GPC5: variants seen among roughly 807,000 people sequenced by gnomAD.
GPC5 encodes the protein glypican-5.
GPC5 carries 47 observed loss-of-function variants against 53.9 expected under a neutral mutation model. The observed-to-expected ratio is 0.87, with a 90% CI of 0.69 to 1.11. The LOEUF is 1.11. GPC5 is among the 50% of genes most tolerant of loss of function. GPC5 has a pLI of 0.00. For missense variants in GPC5, 748 were observed against 713.1 expected (o/e 1.05, Z -0.56); for synonymous variants, 286 against 263.3 (o/e 1.09, Z -0.84).
chr13:92,420,855 G>T (rs1263966746), intron 7 of GPC5, among the ~76,000 whole-genome samples: 1 of 152,144 alleles, frequency 6.6e-6, no homozygotes, highest in Non-Finnish European at 1.5e-5. Context: ...GCACTCCATT[G>T]TATATATGCA....
chr13:92,436,084 G>A (rs935862325), intron 7 of GPC5, among the ~76,000 whole-genome samples: 1 of 152,072 alleles, frequency 6.6e-6, no homozygotes, highest in Admixed American at 6.6e-5. Context: ...TATTCATTCA[G>A]ACCATAAGTT....
At chr13:91,569,153 A>G (rs7982049) in intron 2 of GPC5, among the ~76,000 whole-genome samples, 73,131 of 151,984 alleles carry the variant, frequency 0.48, 19,858 homozygotes, top group African/African-American at 0.76. Context: ...AGCTGAGGCA[A>G]GATAGAAAGA....
chr13:92,692,752 C>CTTTTTTTTTTTTT (rs1457273874), intron 7 of GPC5, among the ~76,000 whole-genome samples: 10 of 61,266 alleles, frequency 1.6e-4, no homozygotes, highest in Admixed American at 2.4e-4. Flanking sequence ...CCAATATCGG[C>CTTTTTTTTTTTTT]TATTTTTTTT....
intron 7 of GPC5, among the ~76,000 whole-genome samples, chr13:92,852,349 C>T (rs891550562): frequency 6.6e-6 from 1 of 152,036 alleles, no homozygotes; most frequent in Non-Finnish European, 1.5e-5. Context: ...CAGCAAACAA[C>T]CAAAAGGGGA....
At chr13:92,577,928 C>T (rs1169218988) in intron 7 of GPC5, among the ~76,000 whole-genome samples, 1 of 152,050 alleles carries the variant, frequency 6.6e-6, no homozygotes, top group East Asian at 1.9e-4. Flanking sequence ...ATGATATTGG[C>T]ACATGGATTA....
At chr13:91,974,590 C>A (rs1255668369) in intron 6 of GPC5, among the ~76,000 whole-genome samples, 6 of 152,046 alleles carry the variant, frequency 3.9e-5, no homozygotes, top group Non-Finnish European at 8.8e-5. Flanking sequence ...TCAAGGAGAA[C>A]TACAAACCAC....
intron 2 of GPC5, among the ~76,000 whole-genome samples, chr13:91,655,413 A>G (rs1057015535): frequency 4.6e-5 from 7 of 152,094 alleles, no homozygotes; most frequent in Non-Finnish European, 7.4e-5. Context: ...GTTAAGTTGT[A>G]TGTGTAATGT....
intron 7 of GPC5, among the ~76,000 whole-genome samples, chr13:92,304,812 A>G (rs1463676735): frequency 2.0e-5 from 3 of 152,190 alleles, no homozygotes; most frequent in Admixed American, 6.5e-5. Context: ...AAATTTTGGC[A>G]TATTTTACCC....
At chr13:91,731,340 C>T (rs903899418) in intron 4 of GPC5, among the ~76,000 whole-genome samples, 15 of 152,036 alleles carry the variant, frequency 9.9e-5, no homozygotes, top group South Asian at 4.1e-4. Flanking sequence ...AGGTAAGTAG[C>T]GAGGTGTTAG....
chr13:91,528,990 G>A (rs1266174563), intron 2 of GPC5, among the ~76,000 whole-genome samples: 1 of 152,154 alleles, frequency 6.6e-6, no homozygotes, highest in Non-Finnish European at 1.5e-5. Flanking sequence ...ATTACAGTTC[G>A]AGTTGAGATT....
At chr13:92,462,576 T>C (rs1878532551) in intron 7 of GPC5, among the ~76,000 whole-genome samples, 1 of 152,178 alleles carries the variant, frequency 6.6e-6, no homozygotes, top group Non-Finnish European at 1.5e-5. Flanking sequence ...AGATACATAG[T>C]AGACAATTGA....
At chr13:92,703,750 G>A (rs1252278345) in intron 7 of GPC5, among the ~76,000 whole-genome samples, 1 of 151,296 alleles carries the variant, frequency 6.6e-6, no homozygotes, top group African/African-American at 2.4e-5. Context: ...TTGGGGGAAG[G>A]GTATACAAAT....
intron 7 of GPC5, among the ~76,000 whole-genome samples, chr13:92,754,835 C>T (rs1187733275): frequency 1.4e-5 from 2 of 144,348 alleles, no homozygotes; most frequent in Admixed American, 7.2e-5. Context: ...TAAAGCAAGT[C>T]CAGAGTGACC....
intron 7 of GPC5, among the ~76,000 whole-genome samples, chr13:92,383,790 T>A (rs946338689): frequency 1.1e-4 from 16 of 152,160 alleles, no homozygotes; most frequent in African/African-American, 3.9e-4. Context: ...ACTTAAAATT[T>A]TTTTCTATTT....
At chr13:92,845,631 A>G (rs1420434670) in intron 7 of GPC5, among the ~76,000 whole-genome samples, 1 of 152,134 alleles carries the variant, frequency 6.6e-6, no homozygotes, top group African/African-American at 2.4e-5. Context: ...ATACCTACCC[A>G]AAAACACTCA....
Position 91,448,817 on chromosome 13 carries a change from G to T in GPC5, c.220G>T (p.Glu74Ter). Residue 74 changes from glutamate to a stop codon, truncating the protein, a stop_gained, in exon 2 of 8, where the codon GAG (glutamate) becomes TAG (stop). Coordinates refer to ENST00000377067, the MANE Select transcript of GPC5 (RefSeq NM_004466.6). LOFTEE classifies it high-confidence loss of function. ...KKPTCCTRKM[E>*]ERYQIAARQD... is the part of the protein sequence containing the mutation. ...GCCTACATGTTGCACCAGGAAGATGGAGGAGAGATATCAGATTGCGGCTCG... is the reference window on the plus strand; with the variant it reads ...GCCTACATGTTGCACCAGGAAGATGTAGGAGAGATATCAGATTGCGGCTCG... 1 of 1,613,766 alleles carries T rather than the reference G, an allele frequency of 6.2e-7. No individual in the cohort carries two copies. Among genetic ancestry groups the T allele is most frequent in the East Asian group, 2.2e-5 (1 of 44,864 alleles).
chr13:92,086,348 G>A (rs2138888574), intron 6 of GPC5, among the ~76,000 whole-genome samples: 1 of 152,268 alleles, frequency 6.6e-6, no homozygotes, highest in East Asian at 1.9e-4. Flanking sequence ...GGTGACATTA[G>A]CGCATTTATG....
chr13:92,851,960 G>A (rs955756241), intron 7 of GPC5, among the ~76,000 whole-genome samples: 1 of 151,670 alleles, frequency 6.6e-6, no homozygotes, highest in Non-Finnish European at 1.5e-5. Flanking sequence ...TGACCAGGAG[G>A]AAAGTTAGGC....
chr13:92,634,934 C>T (rs1594368974), intron 7 of GPC5, among the ~76,000 whole-genome samples: 1 of 151,716 alleles, frequency 6.6e-6, no homozygotes, highest in Admixed American at 6.6e-5. Context: ...CAGAAAAAGA[C>T]ATTTGCTGTA....
Sources: gnomAD v4.1 joint callset for allele counts (sites outside exome capture counted in the v4.1 genomes callset) on GRCh38, gnomAD v4.1.1 for gene constraint, MANE v1.5 for transcripts, NCBI Gene and HGNC (gene_info 2026-07-23, HGNC 2026-07-21) for gene names.